The following ITGAV variants were observed in gnomAD, a reference collection of about 807,000 sequenced individuals.
ITGAV encodes integrin subunit alpha V.
ITGAV carries 76 observed loss-of-function variants against 143.8 expected under a neutral mutation model. That is an observed-to-expected ratio of 0.53 (90% CI 0.44 to 0.64). The LOEUF is 0.64. Among genes scored for constraint, ITGAV ranks in the 30% least tolerant of loss-of-function variants. The pLI, the probability that ITGAV is intolerant of heterozygous loss-of-function variation, is 0.00. For missense variants in ITGAV, 1,193 were observed against 1,274.7 expected, an observed-to-expected ratio of 0.94 and a Z score of 0.98; for synonymous variants, 453 against 446.7, an observed-to-expected ratio of 1.01 and a Z score of -0.18.
Position 186,666,772 on chromosome 2 carries a change from A to G in ITGAV, c.2235A>G (p.Leu745=). The change falls in exon 22 of 30, where the codon TTA becomes TTG. Residue 745 remains leucine, a synonymous_variant. Coordinates refer to ENST00000261023, the MANE Select transcript of ITGAV (RefSeq NM_002210.5). ...TGGATACTTCTGTGAAATTTGACTT[A>G]CAAATCCAAAGGTATGAAAACAACT... ...SEMDTSVKFD[L]QIQSSNLFDK... The G allele has an allele frequency of 6.4e-7, 1 of 1,573,094 alleles. No homozygotes were observed. The highest frequency in any genetic ancestry group is 8.6e-7 in the Non-Finnish European group (1 of 1,160,236).
intron 2 of ITGAV, among the ~76,000 whole-genome samples, chr2:186,616,716 T>C (rs1252932239): frequency 1.3e-5 from 2 of 152,166 alleles, no homozygotes; most frequent in African/African-American, 4.8e-5. Flanking sequence ...TAATTATATA[T>C]TACTTTTCTC....
Position 186,656,394 on chromosome 2 carries a change from A to G in ITGAV, c.1712A>G (p.Tyr571Cys). The G allele has an allele frequency of 6.7e-7, 1 of 1,485,042 alleles. No individual in the cohort carries two copies. The highest frequency in any genetic ancestry group is 1.5e-5 in the South Asian group (1 of 68,132). 92.0% of individuals were successfully genotyped at this position (1,485,042 alleles called of 1,614,324 possible). ...GLMQCEELIA[Y>C]LRDESEFRDK... Reference sequence around the variant, plus strand: ...ATGCAGTGTGAGGAATTGATAGCGTATCTGCGGGTAAGAGCTAACTTTTCT... The same window carrying G: ...ATGCAGTGTGAGGAATTGATAGCGTGTCTGCGGGTAAGAGCTAACTTTTCT... Residue 571 changes from tyrosine to cysteine, a missense_variant, in exon 17 of 30, where the codon TAT becomes TGT. Physicochemically the swap from Tyr to Cys is radical, Grantham distance 194. Transcript: ENST00000261023.
intron 2 of ITGAV, among the ~76,000 whole-genome samples, chr2:186,602,705 C>A (rs557921506): frequency 2.6e-5 from 4 of 152,184 alleles, no homozygotes; most frequent in Non-Finnish European, 5.9e-5. Context: ...GGTGAAACCC[C>A]ATCTCTACTA....
chr2:186,663,852 A>G lies in ITGAV; in HGVS notation c.1925+17A>G. ...TGTAGATAGGTAAGTTTTGCTTGAA[A>G]TAATAATGTAGTAAGAAATTTAAAT... On this transcript the variant is annotated intron_variant, in intron 19 of 29. Transcript: ENST00000261023. 6.4e-7 allele frequency: 1 copy of G among 1,559,034 alleles called. No individual in the cohort carries two copies. The highest frequency in any genetic ancestry group is 8.8e-7 in the Non-Finnish European group (1 of 1,130,962).
chr2:186,659,280 T>A (rs1439472952), intron 18 of ITGAV, 105 bp downstream of exon 18: 11 of 779,902 alleles, frequency 1.4e-5, no homozygotes, highest in Non-Finnish European at 2.0e-5. Flanking sequence ...GATAGATGTT[T>A]AGTCAAAGTC....
intron 8 of ITGAV, among the ~76,000 whole-genome samples, 174 bp from the exon 9 acceptor site, chr2:186,638,103 T>C (rs1321689466): frequency 6.6e-6 from 1 of 152,190 alleles, no homozygotes; most frequent in Non-Finnish European, 1.5e-5. Context: ...TAAATTTTGA[T>C]TTTATAGTTT....
At chr2:186,623,425 C>G (rs1365526513) in intron 3 of ITGAV, among the ~76,000 whole-genome samples, 1 of 151,998 alleles carries the variant, frequency 6.6e-6, no homozygotes, top group African/African-American at 2.4e-5. Flanking sequence ...TCCTATCTTA[C>G]TGGCTGCTCT....
chr2:186,646,373 T>C (rs1688257326), intron 12 of ITGAV, among the ~76,000 whole-genome samples: 2 of 152,170 alleles, frequency 1.3e-5, no homozygotes, highest in African/African-American at 2.4e-5. Flanking sequence ...GTTTAAGTGA[T>C]TGGTTTAAGG....
intron 1 of ITGAV, among the ~76,000 whole-genome samples, chr2:186,597,639 G>T (rs926163055): frequency 1.3e-5 from 2 of 152,092 alleles, no homozygotes; most frequent in African/African-American, 2.4e-5. Context: ...CCCAACCCTC[G>T]GGCCATGGAC....
In ITGAV at chr2:186,666,693, C is replaced by G. The variant is rs778232953; in HGVS notation, c.2167-11C>G. 2.0e-6 allele frequency: 3 copies of G among 1,477,026 alleles called. No homozygotes were observed. The African/African-American group carries it at 4.3e-5, about 21-fold the overall frequency. The allele number at this position is 1,477,026 out of a possible 1,614,324, so 91.5% of individuals were successfully genotyped here. A position where few individuals can be genotyped will look rare whatever the true frequency, so the allele number is the denominator to read the frequency against. On this transcript the variant is annotated splice_polypyrimidine_tract_variant and intron_variant, in intron 21 of 29. Transcript: ENST00000261023. ...TTGACTAGCATTACTATCTTTTCCT[C>G]TCTCCTTTAGCTCTTAGCTGGTCTT... is the stretch of plus-strand genomic sequence containing the variant.
chr2:186,640,124 T>C (rs1688061085), intron 10 of ITGAV, among the ~76,000 whole-genome samples: 1 of 152,216 alleles, frequency 6.6e-6, no homozygotes, highest in Admixed American at 6.5e-5. Flanking sequence ...TCACCTTACT[T>C]TATATTTAAT....
At chr2:186,668,617 G>A in intron 24 of ITGAV, 145 bp from the exon 25 acceptor site, 1 of 653,436 alleles carries the variant, frequency 1.5e-6, no homozygotes, top group Non-Finnish European at 2.7e-6. Flanking sequence ...GCATAAAAAT[G>A]GTCACATTGT....
intron 14 of ITGAV, 84 bp downstream of exon 14, chr2:186,649,969 A>T (rs1688379167): frequency 2.2e-6 from 2 of 899,076 alleles, no homozygotes; most frequent in South Asian, 1.9e-5. Flanking sequence ...TTTGAATTTT[A>T]GTTTAATTTT....
chr2:186,632,834 C>T (rs1687849304), intron 5 of ITGAV, among the ~76,000 whole-genome samples: 1 of 151,894 alleles, frequency 6.6e-6, no homozygotes, highest in South Asian at 2.1e-4. Flanking sequence ...GTGAAGCAGC[C>T]AAGATCCACA....
chr2:186,641,864 C>T (rs920126548), intron 12 of ITGAV, among the ~76,000 whole-genome samples: 1 of 152,160 alleles, frequency 6.6e-6, no homozygotes, highest in Admixed American at 6.5e-5. Context: ...CCTTCATTAC[C>T]CTGGTGCCTA....
chr2:186,617,397 A>G (rs1318386467), intron 2 of ITGAV, among the ~76,000 whole-genome samples: 3 of 152,234 alleles, frequency 2.0e-5, no homozygotes, highest in Admixed American at 6.5e-5. Flanking sequence ...TTGGCTGCTA[A>G]TAAGGAGTAG....
intron 2 of ITGAV, among the ~76,000 whole-genome samples, chr2:186,606,883 T>TG (rs2105662813): frequency 6.6e-6 from 1 of 152,224 alleles, no homozygotes; most frequent in South Asian, 2.1e-4. Flanking sequence ...GGGATGCTTA[T>TG]GGTTCCTCAT....
intron 13 of ITGAV, among the ~76,000 whole-genome samples, chr2:186,647,426 G>T (rs780929140): frequency 1.3e-5 from 2 of 151,830 alleles, no homozygotes; most frequent in African/African-American, 2.4e-5. Flanking sequence ...TGTAAAGAGT[G>T]GTTTTTGCCA....
At chr2:186,631,392 T>C (rs778289706) in intron 5 of ITGAV, among the ~76,000 whole-genome samples, 126 of 152,200 alleles carry the variant, frequency 8.3e-4, no homozygotes, top group Non-Finnish European at 1.3e-3. Context: ...ACTAAATTAA[T>C]ATTCTCTTCA....
Sources: gnomAD v4.1 joint callset for allele counts (sites outside exome capture counted in the v4.1 genomes callset) on GRCh38, gnomAD v4.1.1 for gene constraint, MANE v1.5 for transcripts, NCBI Gene and HGNC (gene_info 2026-07-23, HGNC 2026-07-21) for gene names.